The following BBOF1 variants were observed in gnomAD, a reference collection of about 807,000 sequenced individuals.
BBOF1 encodes basal body orientation factor 1, also known as basal body-orientation factor 1.
A neutral mutation model predicts 68.0 loss-of-function variants in BBOF1; 62 were observed. The ratio of observed to expected loss-of-function variants is 0.91; its 90% CI spans 0.74 to 1.13. The LOEUF (loss-of-function observed/expected upper bound fraction) is 1.13. Among genes scored for constraint, BBOF1 ranks in the 50% most tolerant of loss-of-function variants. The pLI is 0.00. For missense variants in BBOF1, 534 were observed against 600.1 expected (o/e 0.89, Z 1.15); for synonymous variants, 208 against 198.8 (o/e 1.05, Z -0.39).
At chr14:74,057,607 C>T (rs1161903183) in intron 11 of BBOF1, 4 of 1,336,024 alleles carry the variant, frequency 3.0e-6, no homozygotes, top group Non-Finnish European at 3.9e-6. Context: ...AGAGTCATTA[C>T]AACCTAGAGG....
At chr14:74,067,301 G>T, downstream of BBOF1, 1 of 1,515,672 alleles carries the variant, frequency 6.6e-7, no homozygotes, top group Non-Finnish European at 9.1e-7. Context: ...TGTTCCCACT[G>T]GCCAAGGCCA....
chr14:74,025,598 A>C (rs1347778769), intron 2 of BBOF1, among the ~76,000 whole-genome samples: 21 of 152,230 alleles, frequency 1.4e-4, no homozygotes, highest in Admixed American at 1.2e-3. Flanking sequence ...TTAATCACAG[A>C]ATAATCTCAT....
intron 11 of BBOF1, chr14:74,057,980 A>G (rs1167650202): frequency 1.2e-6 from 1 of 844,804 alleles, no homozygotes; most frequent in Non-Finnish European, 1.4e-6. Flanking sequence ...CTTGGAATAT[A>G]GACAATAATG....
chr14:74,032,727 C>CAA (rs2059603795), intron 3 of BBOF1, among the ~76,000 whole-genome samples: 1 of 149,444 alleles, frequency 6.7e-6, no homozygotes, highest in South Asian at 2.1e-4. Flanking sequence ...CTCCTGACCT[C>CAA]GTGATCCACC....
At chr14:74,056,869 C>G (rs755577197) in intron 9 of BBOF1, 37 bp from the exon 10 acceptor site, 1 of 1,409,872 alleles carries the variant, frequency 7.1e-7, no homozygotes, top group Non-Finnish European at 1.0e-6. Context: ...GAGACACTGC[C>G]TCATTCATTA....
At chr14:74,067,795 C>A (rs1316771634), downstream of BBOF1, among the ~76,000 whole-genome samples, 1 of 151,834 alleles carries the variant, frequency 6.6e-6, no homozygotes, top group Admixed American at 6.6e-5. Context: ...CATAATGGCA[C>A]CAGTCTGTGG....
chr14:74,069,231 G>A (rs2060516227), downstream of BBOF1: 1 of 390,210 alleles, frequency 2.6e-6, no homozygotes, highest in Non-Finnish European at 4.8e-6. Flanking sequence ...AGCCTCCCAA[G>A]CAGCTGGGAT....
At chr14:74,057,783 G>T in intron 11 of BBOF1, 2 of 1,086,500 alleles carry the variant, frequency 1.8e-6, no homozygotes, top group Non-Finnish European at 2.2e-6. Context: ...TTTTAGCCGC[G>T]ATCACATGAA....
chr14:74,019,450 A>G lies in BBOF1; in HGVS notation c.-29A>G. On this transcript the variant is annotated 5_prime_UTR_variant, in exon 1 of 12. Coordinates refer to ENST00000394009, the MANE Select transcript of BBOF1 (RefSeq NM_025057.3). ...CCAGGGCGGCCGCGGCTGGGCAACT[A>G]CGACAGCGGAGCCCCTGGGGAAGCC... 2 of 1,592,806 alleles carry G rather than the reference A, an allele frequency of 1.3e-6. No homozygotes were observed. The highest frequency in any genetic ancestry group is 8.5e-7 in the Non-Finnish European group (1 of 1,170,136).
intron 9 of BBOF1, chr14:74,074,888 G>A: frequency 6.7e-7 from 1 of 1,494,314 alleles, no homozygotes; most frequent in Non-Finnish European, 9.3e-7. Flanking sequence ...ATGTAAAGAA[G>A]ATAGAGATAC....
At chr14:74,059,698 A>C (rs1341222778) in intron 11 of BBOF1, 1 of 169,934 alleles carries the variant, frequency 5.9e-6, no homozygotes, top group East Asian at 1.7e-4. Context: ...TCCATCTCAA[A>C]AAAAAGAAAA....
At chr14:74,077,882 A>G in intron 9 of BBOF1, among the ~76,000 whole-genome samples, 1 of 152,174 alleles carries the variant, frequency 6.6e-6, no homozygotes, top group East Asian at 1.9e-4. Flanking sequence ...ATTAAACCTG[A>G]TCAGGACTGT....
Position 74,049,830 on chromosome 14 carries a change from G to C in BBOF1, c.921G>C (p.Glu307Asp). Reference sequence around the variant, plus strand: ...TGAGTTACATGACCAAAGAGTTTGAGAGTGAAGTTTTAAAACTGCAGCAAC... The same window carrying C: ...TGAGTTACATGACCAAAGAGTTTGACAGTGAAGTTTTAAAACTGCAGCAAC... ...TALSYMTKEF[E>D]SEVLKLQQHA... Residue 307 changes from glutamate to aspartate, a missense_variant, in exon 8 of 12, where the codon GAG becomes GAC. Physicochemically the swap from Glu to Asp is conservative, Grantham distance 45 (BLOSUM62 2). Coordinates refer to ENST00000394009, the MANE Select transcript of BBOF1 (RefSeq NM_025057.3). 6.2e-7 allele frequency: 1 copy of C among 1,614,196 alleles called. No individual in the cohort carries two copies. Among genetic ancestry groups the C allele is most frequent in the South Asian group, 1.1e-5 (1 of 91,082 alleles).
At chr14:74,060,853 T>G (rs2060323841) in intron 11 of BBOF1, 2 of 787,480 alleles carry the variant, frequency 2.5e-6, no homozygotes, top group Non-Finnish European at 4.4e-6. Context: ...CTTTCCTAAT[T>G]GAGAAATGCA....
At chr14:74,045,020 G>C (rs925871180) in intron 5 of BBOF1, among the ~76,000 whole-genome samples, 4 of 152,118 alleles carry the variant, frequency 2.6e-5, no homozygotes, top group Non-Finnish European at 1.5e-5. Context: ...AAACATGAGC[G>C]AGCAGGCCCG....
Position 74,019,439 on chromosome 14 carries a change from GCT to G in BBOF1, c.-39_-38del, listed in dbSNP as rs756649963. On this transcript the variant is annotated 5_prime_UTR_variant, in exon 1 of 12. Coordinates refer to ENST00000394009, the MANE Select transcript of BBOF1 (RefSeq NM_025057.3). ...GACAGAGCTGGCCAGGGCGGCCGCG[GCT>G]GGGCAACTACGACAGCGGAGCCCCT... 4.4e-6 allele frequency: 7 copies of G among 1,584,594 alleles called. No individual in the cohort carries two copies. Among genetic ancestry groups the G allele is most frequent in the Non-Finnish European group, 6.0e-6 (7 of 1,166,096 alleles).
In BBOF1 at chr14:74,055,771, A is replaced by G. The variant is rs543584808; in HGVS notation, c.1388+86A>G. The G allele has an allele frequency of 7.5e-5, 77 of 1,026,306 alleles. No homozygotes were observed. In the South Asian group the frequency reaches 1.0e-3, roughly 14 times the overall value. 63.6% of individuals were successfully genotyped at this position (1,026,306 alleles called of 1,614,324 possible). ...AACAAAGAACTTATTTTTCTTACTT[A>G]GAACTAAAGGGACGGGAAAGGACCA... On this transcript the variant is annotated intron_variant, in intron 9 of 11. Transcript: ENST00000394009.
At chr14:74,062,197 CA>C in intron 11 of BBOF1, among the ~76,000 whole-genome samples, 1 of 151,388 alleles carries the variant, frequency 6.6e-6, no homozygotes, top group South Asian at 2.1e-4. Flanking sequence ...ACTCCCATCT[CA>C]AAAAAATAAA....
At chr14:74,030,005 C>A (rs1442066897) in intron 3 of BBOF1, among the ~76,000 whole-genome samples, 1 of 152,096 alleles carries the variant, frequency 6.6e-6, no homozygotes. Flanking sequence ...TCTCAGAATG[C>A]TAATATTACC....
Sources: allele counts gnomAD v4.1 joint callset (sites outside exome capture counted in the v4.1 genomes callset), GRCh38; gene constraint gnomAD v4.1.1; transcripts MANE v1.5; gene names NCBI Gene and HGNC (gene_info 2026-07-23, HGNC 2026-07-21).